Variants in ZNF547 observed in about 807,000 individuals in gnomAD.
ZNF547 encodes the protein zinc finger protein 547.
ZNF547 carries 4 observed loss-of-function variants against 7.7 expected under a neutral mutation model. The observed-to-expected ratio is 0.52, with a 90% CI of 0.26 to 1.20. The LOEUF is 1.20. ZNF547 is among the 50% of genes most tolerant of loss of function. The pLI is 0.14. For synonymous variants in ZNF547, 166 were observed against 166.2 expected (o/e 1.00, Z 0.01); for missense variants, 449 against 485.8 (o/e 0.92, Z 0.71).
At chr19:57,374,249 A>C (rs564062103) in intron 3 of ZNF547, among the ~76,000 whole-genome samples, 1 of 152,360 alleles carries the variant, frequency 6.6e-6, no homozygotes, top group Admixed American at 6.5e-5. Flanking sequence ...CTGGAGCTGT[A>C]CCTTGCCCCT....
intron 3 of ZNF547, among the ~76,000 whole-genome samples, chr19:57,372,330 G>C (rs981660427): frequency 5.9e-5 from 9 of 152,186 alleles, no homozygotes; most frequent in Non-Finnish European, 1.3e-4. Context: ...GAAATCTTCT[G>C]TGAAGTTCTG....
At position 57,377,252 on chromosome 19, in the gene ZNF547, T is replaced by G; in HGVS notation, c.276T>G (p.Cys92Trp). The G allele has an allele frequency of 6.2e-7, 1 of 1,614,218 alleles. No homozygotes were observed. The highest frequency in any genetic ancestry group is 8.5e-7 in the Non-Finnish European group (1 of 1,180,036). ...STQNTQPCETCSSLLKDILRL... is the reference protein window; with the variant it reads ...STQNTQPCETWSSLLKDILRL... ...AGAATACCCAGCCCTGTGAGACATG[T>G]AGCTCACTTCTGAAGGACATTCTGC... Residue 92 changes from cysteine (C) to tryptophan (W), a missense_variant, in exon 4 of 4, where the codon TGT (cysteine) becomes TGG (tryptophan). Physicochemically the swap from Cys to Trp is radical, Grantham distance 215 (BLOSUM62 -2). Transcript: ENST00000282282.
intron 3 of ZNF547, among the ~76,000 whole-genome samples, chr19:57,374,710 A>T (rs1392188186): frequency 1.3e-5 from 2 of 152,220 alleles, no homozygotes; most frequent in East Asian, 3.9e-4. Context: ...AGTTCCACAG[A>T]TATGTAGGGC....
chr19:57,370,240 C>T (rs2088496648), intron 2 of ZNF547, among the ~76,000 whole-genome samples: 1 of 152,156 alleles, frequency 6.6e-6, no homozygotes. Context: ...CCTCAGGAAA[C>T]TTACAATCCT....
At chr19:57,364,534 C>T (rs2088448519) in intron 1 of ZNF547, 1 of 430,460 alleles carries the variant, frequency 2.3e-6, no homozygotes, top group East Asian at 4.8e-5. Flanking sequence ...CAAGGTCAGG[C>T]GTTCAAGACC....
chr19:57,370,689 T>C (rs1233351927), intron 2 of ZNF547, among the ~76,000 whole-genome samples: 1 of 152,170 alleles, frequency 6.6e-6, no homozygotes, highest in Non-Finnish European at 1.5e-5. Context: ...TCTGGGTGAC[T>C]CCATGGAAAC....
chr19:57,371,552 T>C, intron 2 of ZNF547: 1 of 577,138 alleles, frequency 1.7e-6, no homozygotes, highest in Non-Finnish European at 2.9e-6. Flanking sequence ...GTGCAGTACC[T>C]GTCCCTGGGT....
At chr19:57,373,876 A>T (rs764955985) in intron 3 of ZNF547, among the ~76,000 whole-genome samples, 1 of 152,110 alleles carries the variant, frequency 6.6e-6, no homozygotes, top group South Asian at 2.1e-4. Flanking sequence ...AGCTGCTTTC[A>T]TGGGCTGGCA....
At position 57,378,142 on chromosome 19, in the gene ZNF547, AT is replaced by A. The variant is rs2088551149; in HGVS notation, c.1167del (p.Tyr389Ter). The A allele has an allele frequency of 1.2e-6, 2 of 1,612,862 alleles. No individual in the cohort carries two copies. The highest frequency in any genetic ancestry group is 1.7e-6 in the Non-Finnish European group (2 of 1,179,070). On this transcript the variant is annotated frameshift_variant, in exon 4 of 4. Transcript: ENST00000282282. LOFTEE classifies it low-confidence loss of function (END_TRUNC). Reference sequence around the variant, plus strand: ...AGTGAATGTGGGAAATTCTTTAGGTATAACTCTACACTTCTCAGACATCAGA... The same window carrying A: ...AGTGAATGTGGGAAATTCTTTAGGTAAACTCTACACTTCTCAGACATCAGA... Reference protein sequence around the residue: ...QCSECGKFFRYNSTLLRHQKV... With the variant: ...QCSECGKFFRXNSTLLRHQKV...
chr19:57,369,899 C>CATTTTTTTTTTTTT (rs2088493597), intron 2 of ZNF547, among the ~76,000 whole-genome samples: 1 of 51,678 alleles, frequency 1.9e-5, no homozygotes, highest in Non-Finnish European at 3.3e-5. Context: ...ACTCACAGTT[C>CATTTTTTTTTTTTT]TTTTTTTTTT....
intron 3 of ZNF547, among the ~76,000 whole-genome samples, chr19:57,374,619 T>C (rs1403667204): frequency 6.6e-6 from 1 of 152,260 alleles, no homozygotes; most frequent in Admixed American, 6.5e-5. Context: ...TCCAAACTTT[T>C]CTGCCTTGCT....
In ZNF547 at chr19:57,378,317, G is replaced by A. The variant is rs2123025222; in HGVS notation, c.*132G>A. 1.2e-6 allele frequency: 1 copy of A among 824,312 alleles called. No individual in the cohort carries two copies. The highest frequency in any genetic ancestry group is 2.0e-6 in the Non-Finnish European group (1 of 508,182). The allele number at this position is 824,312 out of a possible 1,614,324, so 51.1% of individuals were successfully genotyped here. On this transcript the variant is annotated 3_prime_UTR_variant, in exon 4 of 4. Coordinates refer to ENST00000282282, the MANE Select transcript of ZNF547 (RefSeq NM_173631.4). Reference sequence around the variant, plus strand: ...GTAATTATGTAGGTACAGCTCTCCAGTCGCTATGTATCAGAGAATTCACAC... The same window carrying A: ...GTAATTATGTAGGTACAGCTCTCCAATCGCTATGTATCAGAGAATTCACAC...
chr19:57,369,899 C>CTTTTTTTTTTTTTTTTTTTTTTTTT (rs61547238), intron 2 of ZNF547, among the ~76,000 whole-genome samples: 1 of 51,678 alleles, frequency 1.9e-5, no homozygotes, highest in African/African-American at 7.8e-5. Context: ...ACTCACAGTT[C>CTTTTTTTTTTTTTTTTTTTTTTTTT]TTTTTTTTTT....
At chr19:57,372,500 T>G (rs2088512707) in intron 3 of ZNF547, among the ~76,000 whole-genome samples, 1 of 152,118 alleles carries the variant, frequency 6.6e-6, no homozygotes, top group Non-Finnish European at 1.5e-5. Flanking sequence ...TGGATATTAC[T>G]CCCTGAAGGG....
At position 57,377,635 on chromosome 19, in the gene ZNF547, C is replaced by G. The variant is rs879087392; in HGVS notation, c.659C>G (p.Ala220Gly). The change falls in exon 4 of 4, where the codon GCC becomes GGC. Residue 220 changes from alanine (A) to glycine (G), a missense_variant. Physicochemically the swap from Ala to Gly is moderately conservative, Grantham distance 60 (BLOSUM62 0). Coordinates refer to ENST00000282282, the MANE Select transcript of ZNF547 (RefSeq NM_173631.4). ...RPYECNECGK[A>G]FLCKSHLVRH... The stretch of plus-strand genomic sequence containing the variant: ...TATGAGTGCAATGAATGTGGGAAAG[C>G]CTTTCTTTGTAAGTCTCACCTTGTT... 2.5e-6 allele frequency: 4 copies of G among 1,610,060 alleles called. No individual in the cohort carries two copies. The highest frequency in any genetic ancestry group is 1.4e-5 in the African/African-American group (1 of 73,472).
chr19:57,367,879 C>T (rs1293773206), intron 1 of ZNF547, among the ~76,000 whole-genome samples: 1 of 152,234 alleles, frequency 6.6e-6, no homozygotes, highest in Non-Finnish European at 1.5e-5. Flanking sequence ...CAAGGTCTGC[C>T]AGCAAGCTCC....
intron 2 of ZNF547, among the ~76,000 whole-genome samples, chr19:57,370,246 A>G (rs2088496727): frequency 6.6e-6 from 1 of 152,090 alleles, no homozygotes; most frequent in Admixed American, 6.5e-5. Flanking sequence ...GAAACTTACA[A>G]TCCTGTGTCC....
Position 57,378,635 on chromosome 19 carries a change from A to G in ZNF547, c.*450A>G. 1 of 356,948 alleles carries G rather than the reference A, an allele frequency of 2.8e-6. No individual in the cohort carries two copies. The highest frequency in any genetic ancestry group is 2.2e-5 in the South Asian group (1 of 46,286). The allele number at this position is 356,948 out of a possible 1,614,324, so 22.1% of individuals were successfully genotyped here. A position where few individuals can be genotyped will look rare whatever the true frequency, so the allele number is the denominator to read the frequency against. On this transcript the variant is annotated 3_prime_UTR_variant, in exon 4 of 4. Transcript: ENST00000282282. ...GCCTTGAATGTAGCCAAAATGACGA[A>G]CAACACCCAGAAATCTGTGATTTAG...
intron 1 of ZNF547, chr19:57,365,221 G>C: frequency 6.3e-7 from 1 of 1,582,600 alleles, no homozygotes; most frequent in Admixed American, 1.8e-5. Context: ...TGACAGAAAA[G>C]TTCAGTTTCT....
Sources: allele counts gnomAD v4.1 joint callset (sites outside exome capture counted in the v4.1 genomes callset), GRCh38; gene constraint gnomAD v4.1.1; transcripts MANE v1.5; gene names NCBI Gene and HGNC (gene_info 2026-07-23, HGNC 2026-07-21).